The following DPP10 variants were observed in gnomAD, a reference collection of about 807,000 sequenced individuals.
DPP10 encodes dipeptidyl peptidase like 10, also known as inactive dipeptidyl peptidase 10.
In DPP10, 33 loss-of-function variants were observed where a neutral mutation model predicts 120.9. The ratio of observed to expected loss-of-function variants is 0.27; its 90% confidence interval spans 0.21 to 0.37. The LOEUF (loss-of-function observed/expected upper bound fraction) is 0.37. DPP10 is among the 10% of genes least tolerant of loss of function. The probability of loss-of-function intolerance (pLI) is 1.00; values close to 1 mark genes in which losing one functional copy is unlikely to be tolerated. For synonymous variants in DPP10, 337 were observed against 326.1 expected, an observed-to-expected ratio of 1.03 and a Z score of -0.36; for missense variants, 816 against 942.8, an observed-to-expected ratio of 0.87 and a Z score of 1.76.
At chr2:115,631,037 CTTTTTT>C (rs58468918) in intron 5 of DPP10, among the ~76,000 whole-genome samples, 1 of 111,356 alleles carries the variant, frequency 9.0e-6, no homozygotes, top group Non-Finnish European at 1.7e-5. Flanking sequence ...TGATCCTGGG[CTTTTTT>C]TTTTTTTTTT....
rs373229396 is a variant in DPP10 at position 115,550,754 on chromosome 2, T to G, written c.441+24782T>G. ...TTGAAATTCTCATGGCCTGGTATAA[T>G]TTAAGATCTATTTATGTAATTGCTG... On this transcript the variant is annotated intron_variant, in intron 5 of 25. Coordinates refer to ENST00000410059, the MANE Select transcript of DPP10 (RefSeq NM_020868.6). Among the ~76,000 whole-genome samples, 9 of 152,208 alleles carry G rather than the reference T, an allele frequency of 5.9e-5. No individual in the cohort carries two copies. The East Asian group carries it at 1.7e-3, about 29-fold the overall frequency.
At chr2:114,501,529 A>T (rs1008087279) in intron 1 of DPP10, among the ~76,000 whole-genome samples, 1 of 152,202 alleles carries the variant, frequency 6.6e-6, no homozygotes, top group Non-Finnish European at 1.5e-5. Context: ...GTTCTAAATG[A>T]CCTTTATCAA....
intron 7 of DPP10, among the ~76,000 whole-genome samples, chr2:115,705,331 A>G (rs1228915776): frequency 1.3e-5 from 2 of 151,936 alleles, no homozygotes; most frequent in East Asian, 3.9e-4. Flanking sequence ...AAAAGTAATT[A>G]TTTTTAATCT....
intron 1 of DPP10, among the ~76,000 whole-genome samples, chr2:115,021,553 G>C (rs1405259955): frequency 6.6e-6 from 1 of 151,994 alleles, no homozygotes; most frequent in Non-Finnish European, 1.5e-5. Context: ...TATGTGACCA[G>C]ATGGATTCAC....
At chr2:115,338,175 T>A (rs190459405) in intron 2 of DPP10, among the ~76,000 whole-genome samples, 1 of 152,262 alleles carries the variant, frequency 6.6e-6, no homozygotes, top group African/African-American at 2.4e-5. Context: ...TGTAACTTTG[T>A]CTGTTAACCT....
At chr2:115,186,355 G>T (rs1348326803) in intron 1 of DPP10, among the ~76,000 whole-genome samples, 1 of 152,188 alleles carries the variant, frequency 6.6e-6, no homozygotes, top group Admixed American at 6.5e-5. Context: ...CTAATTGCTA[G>T]ATTTACATTG....
intron 1 of DPP10, among the ~76,000 whole-genome samples, chr2:115,142,572 C>T (rs1463936877): frequency 1.3e-5 from 2 of 152,164 alleles, no homozygotes; most frequent in African/African-American, 4.8e-5. Context: ...AAAACACGAA[C>T]TGAAAATCAG....
intron 3 of DPP10, among the ~76,000 whole-genome samples, chr2:115,358,824 A>G (rs1382311072): frequency 6.6e-6 from 1 of 152,174 alleles, no homozygotes; most frequent in Non-Finnish European, 1.5e-5. Context: ...TATCCTTCAC[A>G]TGGCAGTACC....
rs550890467 is a variant in DPP10 at position 115,840,263 on chromosome 2, A to G, written c.2183-487A>G. ...TTAATAGAGTGAAGCTCAAAGTTTT[A>G]CCATTGTATTTGTATTTACCAGCTT... is the stretch of plus-strand genomic sequence containing the variant. On this transcript the variant is annotated intron_variant, in intron 24 of 25. Transcript: ENST00000410059. 5.6e-5 allele frequency among the ~76,000 whole-genome samples: 8 copies of G among 142,090 alleles called. No homozygotes were observed. The East Asian group carries it at 1.7e-3, about 30-fold the overall frequency. 93.2% of individuals were successfully genotyped at this position (142,090 alleles called of 152,430 possible). A position where few individuals can be genotyped will look rare whatever the true frequency, so the allele number is the denominator to read the frequency against.
At chr2:114,463,167 G>GCATACTAACC in intron 1 of DPP10, among the ~76,000 whole-genome samples, 1 of 152,054 alleles carries the variant, frequency 6.6e-6, no homozygotes, top group East Asian at 1.9e-4. Flanking sequence ...ATCTATATGT[G>GCATACTAACC]CATACTAACC....
intron 1 of DPP10, among the ~76,000 whole-genome samples, chr2:115,160,545 TTC>T (rs769320184): frequency 5.9e-5 from 9 of 152,148 alleles, no homozygotes; most frequent in Admixed American, 6.5e-5. Flanking sequence ...CTGCCCCATA[TTC>T]TCTGTCCTCT....
intron 1 of DPP10, among the ~76,000 whole-genome samples, chr2:114,924,525 CAAA>C (rs59764051): frequency 8.7e-6 from 1 of 114,488 alleles, no homozygotes; most frequent in Non-Finnish European, 1.8e-5. Flanking sequence ...GAATCTGTCT[CAAA>C]AAAAAAAAAG....
chr2:115,051,313 A>C (rs1457204157), intron 1 of DPP10, among the ~76,000 whole-genome samples: 1 of 152,198 alleles, frequency 6.6e-6, no homozygotes, highest in African/African-American at 2.4e-5. Flanking sequence ...AATAAAGAGA[A>C]AGAAATTTAA....
rs570864645 is a variant in DPP10 at position 115,502,831 on chromosome 2, C to T, written c.366+3227C>T. Among the ~76,000 whole-genome samples, 6 of 151,578 alleles carry T rather than the reference C, an allele frequency of 4.0e-5. No individual in the cohort carries two copies. The South Asian group carries it at 1.2e-3, about 32-fold the overall frequency. On this transcript the variant is annotated intron_variant, in intron 4 of 25. Transcript: ENST00000410059. ...GCCTCAGCCTCCTGAGTAGCTAGGA[C>T]CACAGGTGTGTGCCACCAGGCTCGG...
At chr2:115,323,190 C>T (rs1258271335) in intron 2 of DPP10, among the ~76,000 whole-genome samples, 1 of 152,130 alleles carries the variant, frequency 6.6e-6, no homozygotes, top group Non-Finnish European at 1.5e-5. Flanking sequence ...ATGTAATATT[C>T]GAAATCCTTT....
chr2:115,671,261 G>T (rs2089851327), intron 5 of DPP10, among the ~76,000 whole-genome samples: 1 of 151,674 alleles, frequency 6.6e-6, no homozygotes, highest in Admixed American at 6.6e-5. Flanking sequence ...TTGAGTTCTG[G>T]TCTTAAAATA....
intron 5 of DPP10, among the ~76,000 whole-genome samples, chr2:115,668,051 G>T (rs371355693): frequency 1.3e-5 from 2 of 151,910 alleles, no homozygotes; most frequent in Admixed American, 1.3e-4. Flanking sequence ...TATTTTACTT[G>T]CATCTTTGTG....
intron 1 of DPP10, among the ~76,000 whole-genome samples, chr2:114,865,479 G>A (rs1386580691): frequency 6.6e-6 from 1 of 152,104 alleles, no homozygotes; most frequent in African/African-American, 2.4e-5. Flanking sequence ...TTACACATTA[G>A]GACTTAAAAT....
intron 1 of DPP10, among the ~76,000 whole-genome samples, chr2:114,740,206 A>G (rs1376402153): frequency 1.3e-5 from 2 of 151,774 alleles, no homozygotes; most frequent in African/African-American, 4.8e-5. Flanking sequence ...TGTCCTTTGT[A>G]GGGACATGGA....
Sources: allele counts gnomAD v4.1 joint callset (sites outside exome capture counted in the v4.1 genomes callset), GRCh38; gene constraint gnomAD v4.1.1; transcripts MANE v1.5; gene names NCBI Gene and HGNC (gene_info 2026-07-23, HGNC 2026-07-21).